Variants in SDC3 observed in about 807,000 individuals in gnomAD.
The protein encoded by SDC3 is syndecan 3, also known as syndecan-3.
Under a neutral mutation model 24.4 loss-of-function variants are expected in SDC3, and 13 were observed. The ratio of observed to expected loss-of-function variants is 0.53; its 90% CI spans 0.35 to 0.85. The LOEUF is 0.85. Among genes scored for constraint, SDC3 ranks in the 40% least tolerant of loss-of-function variants. The pLI is 0.01. For missense variants in SDC3, 571 were observed against 584.5 expected (o/e 0.98, Z 0.24); for synonymous variants, 295 against 260.9 (o/e 1.13, Z -1.26).
intron 2 of SDC3, 105 bp from the exon 3 acceptor site, chr1:30,877,270 C>T (rs192657575): frequency 2.8e-6 from 4 of 1,416,878 alleles, no homozygotes. Flanking sequence ...TCCCAACCCC[C>T]TCTCTTTACC....
chr1:30,893,593 G>A (rs1489391824), intron 1 of SDC3, among the ~76,000 whole-genome samples: 1 of 151,748 alleles, frequency 6.6e-6, no homozygotes, highest in Non-Finnish European at 1.5e-5. Context: ...CCCTGCTCAG[G>A]GCCCCAACTT....
chr1:30,891,997 C>T (rs1177405146), intron 1 of SDC3, among the ~76,000 whole-genome samples: 1 of 151,934 alleles, frequency 6.6e-6, no homozygotes, highest in South Asian at 2.1e-4. Context: ...GTGCAGGGAG[C>T]CAAAGAAAAC....
chr1:30,876,070 G>A (rs1256670860), intron 3 of SDC3, among the ~76,000 whole-genome samples: 2 of 152,158 alleles, frequency 1.3e-5, no homozygotes, highest in Non-Finnish European at 2.9e-5. Context: ...ATCACCAGGC[G>A]CTGTTCTAAG....
At position 30,908,593 on chromosome 1, in the gene SDC3, G is replaced by T. The variant is rs1214307697; in HGVS notation, c.-7C>A. The T allele has an allele frequency of 1.0e-6, 1 of 971,994 alleles. No homozygotes were observed. The highest frequency in any genetic ancestry group is 1.2e-6 in the Non-Finnish European group (1 of 822,038). 60.2% of individuals were successfully genotyped at this position (971,994 alleles called of 1,614,324 possible). A position where few individuals can be genotyped will look rare whatever the true frequency, so the allele number is the denominator to read the frequency against. On this transcript the variant is annotated 5_prime_UTR_variant, in exon 1 of 5. Coordinates refer to ENST00000339394, the MANE Select transcript of SDC3 (RefSeq NM_014654.4). Reference sequence around the variant, plus strand: ...GCGGCGGCCCCGGCTTCATGGCGGCGGCGCGGGCGCGGGCGGCGGGCGGCG... The same window carrying T: ...GCGGCGGCCCCGGCTTCATGGCGGCTGCGCGGGCGCGGGCGGCGGGCGGCG...
At chr1:30,893,528 C>T (rs1056963730) in intron 1 of SDC3, among the ~76,000 whole-genome samples, 1 of 152,022 alleles carries the variant, frequency 6.6e-6, no homozygotes, top group African/African-American at 2.4e-5. Flanking sequence ...CTCACGCGTC[C>T]CCTCCTCATG....
chr1:30,887,581 C>T (rs762131977), intron 1 of SDC3, among the ~76,000 whole-genome samples: 1 of 152,164 alleles, frequency 6.6e-6, no homozygotes, highest in Admixed American at 6.5e-5. Context: ...GTCTGCAAAA[C>T]CAGGGCTAGT....
In SDC3 at chr1:30,878,636, C is replaced by T. The variant is rs139045817; in HGVS notation, c.243G>A (p.Gly81=). The T allele has an allele frequency of 3.5e-5, 57 of 1,613,862 alleles. No individual in the cohort carries two copies. The African/African-American group carries it at 7.1e-4, about 20-fold the overall frequency. ...GGGGGTACTTACAGCCCGAGCCCGA[C>T]CCCGAGTAGAGGTCATCCAGTTCAT... The part of the protein sequence containing the change: ...PDDELDDLYS[G]SGSGYFEQES... The change falls in exon 2 of 5, where the codon GGG becomes GGA. Residue 81 remains glycine, a synonymous_variant. Coordinates refer to ENST00000339394, the MANE Select transcript of SDC3 (RefSeq NM_014654.4).
At chr1:30,908,022 G>A (rs1638562611) in intron 1 of SDC3, among the ~76,000 whole-genome samples, 1 of 152,182 alleles carries the variant, frequency 6.6e-6, no homozygotes, top group African/African-American at 2.4e-5. Context: ...CCAGCCCGCC[G>A]CCGGGTCCTT....
At chr1:30,881,903 T>G (rs569547895) in intron 1 of SDC3, among the ~76,000 whole-genome samples, 65 of 152,248 alleles carry the variant, frequency 4.3e-4, no homozygotes, top group African/African-American at 1.5e-3. Flanking sequence ...GCTAAATTCA[T>G]ACATCTGTGC....
chr1:30,872,570 C>A lies in SDC3; in HGVS notation c.*641G>T, dbSNP rs904089175. ...TCCTCACCAGTGGCTGCCCCAGCACCCTCAGGAAGCTGTTTCTTGGGGGAA... is the reference window on the plus strand; with the variant it reads ...TCCTCACCAGTGGCTGCCCCAGCACACTCAGGAAGCTGTTTCTTGGGGGAA... On this transcript the variant is annotated 3_prime_UTR_variant, in exon 5 of 5. Coordinates refer to ENST00000339394, the MANE Select transcript of SDC3 (RefSeq NM_014654.4). The A allele has an allele frequency of 1.3e-5, 2 of 152,716 alleles. No individual in the cohort carries two copies. Among genetic ancestry groups the A allele is most frequent in the African/African-American group, 4.8e-5 (2 of 41,402 alleles). The allele number at this position is 152,716 out of a possible 1,614,324, so 9.5% of individuals were successfully genotyped here. A position where few individuals can be genotyped will look rare whatever the true frequency, so the allele number is the denominator to read the frequency against.
At chr1:30,907,363 G>A (rs775102615) in intron 1 of SDC3, among the ~76,000 whole-genome samples, 2 of 152,130 alleles carry the variant, frequency 1.3e-5, no homozygotes, top group Non-Finnish European at 1.5e-5. Flanking sequence ...TGGCTGCTAC[G>A]GTCACTCAAA....
At position 30,880,411 on chromosome 1, in the gene SDC3, C is replaced by A. The variant is rs568873873; in HGVS notation, c.139-1671G>T. 4.0e-5 allele frequency among the ~76,000 whole-genome samples: 6 copies of A among 151,312 alleles called. No individual in the cohort carries two copies. In the East Asian group the frequency reaches 1.2e-3, roughly 30 times the overall value. On this transcript the variant is annotated intron_variant, in intron 1 of 4. Coordinates refer to ENST00000339394, the MANE Select transcript of SDC3 (RefSeq NM_014654.4). The stretch of plus-strand genomic sequence containing the variant: ...GGGGGTACGAGAGAAGGAGAGAAGG[C>A]AAGGGTGGGAGGCAGAGGGGAGAAC...
At chr1:30,884,557 G>A (rs1478111425) in intron 1 of SDC3, among the ~76,000 whole-genome samples, 1 of 151,842 alleles carries the variant, frequency 6.6e-6, no homozygotes, top group Non-Finnish European at 1.5e-5. Context: ...ATCCCCCCAG[G>A]ATGCCCTTTT....
intron 1 of SDC3, chr1:30,881,347 A>G: frequency 6.6e-6 from 1 of 151,632 alleles, no homozygotes; most frequent in Non-Finnish European, 1.5e-5. Context: ...GACCCCACGC[A>G]CCACACTCAC....
At chr1:30,909,025 G>A (rs2124351233), upstream of SDC3, among the ~76,000 whole-genome samples, 1 of 152,220 alleles carries the variant, frequency 6.6e-6, no homozygotes, top group East Asian at 1.9e-4. Context: ...CACCTCCGCG[G>A]CCGCCGTGCT....
At position 30,873,018 on chromosome 1, in the gene SDC3, G is replaced by C. The variant is rs1224499946; in HGVS notation, c.*193C>G. ...ATGAGCTCGTAAGGGCACAGTCTGG[G>C]GCAGATGGCAGCAGCCCCTCTTCCT... On this transcript the variant is annotated 3_prime_UTR_variant, in exon 5 of 5. Coordinates refer to ENST00000339394, the MANE Select transcript of SDC3 (RefSeq NM_014654.4). The C allele has an allele frequency of 3.3e-6, 2 of 607,136 alleles. No homozygotes were observed. The highest frequency in any genetic ancestry group is 3.7e-5 in the African/African-American group (2 of 54,086). 37.6% of individuals were successfully genotyped at this position (607,136 alleles called of 1,614,324 possible).
intron 1 of SDC3, among the ~76,000 whole-genome samples, chr1:30,894,248 G>GAT (rs1429611978): frequency 8.1e-6 from 1 of 124,062 alleles, no homozygotes; most frequent in Non-Finnish European, 1.8e-5. Context: ...CGTGTGTGTG[G>GAT]ATGAGTATGT....
intron 1 of SDC3, among the ~76,000 whole-genome samples, chr1:30,888,714 C>A (rs1427450206): frequency 6.6e-6 from 1 of 152,232 alleles, no homozygotes; most frequent in Non-Finnish European, 1.5e-5. Context: ...AACTCACACA[C>A]AGTGGAGATG....
intron 1 of SDC3, among the ~76,000 whole-genome samples, chr1:30,882,689 G>C (rs1639763974): frequency 6.6e-6 from 1 of 152,130 alleles, no homozygotes; most frequent in Admixed American, 6.5e-5. Flanking sequence ...ACACGTTCAG[G>C]AAGGCCAGTG....
Sources: allele counts gnomAD v4.1 joint callset (sites outside exome capture counted in the v4.1 genomes callset), GRCh38; gene constraint gnomAD v4.1.1; transcripts MANE v1.5; gene names NCBI Gene and HGNC (gene_info 2026-07-23, HGNC 2026-07-21).